Variants in NTRK3 observed in about 807,000 individuals in gnomAD.
The protein encoded by NTRK3 is neurotrophic receptor tyrosine kinase 3, also known as NT-3 growth factor receptor.
A neutral mutation model predicts 91.7 loss-of-function variants in NTRK3; 24 were observed. The ratio of observed to expected loss-of-function variants is 0.26; its 90% confidence interval spans 0.19 to 0.37. NTRK3 has a LOEUF of 0.37. NTRK3 is among the 10% of genes least tolerant of loss of function. NTRK3 has a pLI of 1.00. For missense variants in NTRK3, 880 were observed against 1,068.9 expected, an observed-to-expected ratio of 0.82 and a Z score of 2.46; for synonymous variants, 483 against 404.0, an observed-to-expected ratio of 1.20 and a Z score of -2.34.
At chr15:87,947,364 C>G (rs62019199) in intron 14 of NTRK3, among the ~76,000 whole-genome samples, 24,995 of 152,056 alleles carry the variant, frequency 0.16, 2,242 homozygotes, top group South Asian at 0.28. Context: ...CCCCCTTCAA[C>G]CCCTGCAACC....
At chr15:88,018,410 C>A (rs764528199) in intron 14 of NTRK3, among the ~76,000 whole-genome samples, 4 of 152,064 alleles carry the variant, frequency 2.6e-5, no homozygotes, top group Non-Finnish European at 5.9e-5. Context: ...GAGGGGGTAT[C>A]CCAGGTTAGT....
chr15:88,109,016 C>G (rs528209301), intron 13 of NTRK3, among the ~76,000 whole-genome samples: 3 of 152,234 alleles, frequency 2.0e-5, no homozygotes, highest in African/African-American at 7.2e-5. Flanking sequence ...TCCAACCCAA[C>G]AGAGTGCCTG....
chr15:88,092,090 G>A (rs886546142), intron 13 of NTRK3, among the ~76,000 whole-genome samples: 1 of 152,198 alleles, frequency 6.6e-6, no homozygotes, highest in South Asian at 2.1e-4. Context: ...TTACATAGGT[G>A]CAGCAGCACC....
exon 1 of NTRK3, chr15:88,256,714 G>T: frequency 2.7e-6 from 1 of 369,772 alleles, no homozygotes; most frequent in Non-Finnish European, 4.8e-6. Flanking sequence ...ATGGCTCGCC[G>T]CGCGGCTGCA....
chr15:87,926,732 A>G (rs1382727850), intron 17 of NTRK3: 1 of 152,240 alleles, frequency 6.6e-6, no homozygotes, highest in Non-Finnish European at 1.5e-5. Context: ...CAGCACATCT[A>G]GAAGCAAGTT....
intron 13 of NTRK3, among the ~76,000 whole-genome samples, chr15:88,122,640 TTCTG>T (rs1324313239): frequency 3.3e-5 from 5 of 152,174 alleles, no homozygotes; most frequent in Non-Finnish European, 7.3e-5. Flanking sequence ...CTTTGTCTTT[TTCTG>T]TATTTTTTTT....
At chr15:88,078,593 T>G (rs540084834) in intron 13 of NTRK3, among the ~76,000 whole-genome samples, 1 of 152,322 alleles carries the variant, frequency 6.6e-6, no homozygotes, top group African/African-American at 2.4e-5. Context: ...GAGGTTGCAG[T>G]GAGCCAAGAT....
intron 3 of NTRK3, among the ~76,000 whole-genome samples, chr15:88,218,178 T>C (rs1423133340): frequency 2.0e-5 from 3 of 152,164 alleles, no homozygotes; most frequent in Admixed American, 6.5e-5. Flanking sequence ...AAGTCACAGA[T>C]TCTCTCGTCT....
At chr15:88,211,458 G>A (rs1030611198) in intron 3 of NTRK3, among the ~76,000 whole-genome samples, 11 of 152,150 alleles carry the variant, frequency 7.2e-5, no homozygotes, top group Admixed American at 1.3e-4. Flanking sequence ...TTTAAATAGT[G>A]CCACTACAGC....
At chr15:88,245,697 TACACAC>T (rs34043028) in intron 3 of NTRK3, among the ~76,000 whole-genome samples, 1 of 151,114 alleles carries the variant, frequency 6.6e-6, no homozygotes, top group African/African-American at 2.4e-5. Flanking sequence ...AAAATAGTTT[TACACAC>T]ACACACACAC....
intron 5 of NTRK3, among the ~76,000 whole-genome samples, chr15:88,158,775 C>A (rs545717166): frequency 6.6e-6 from 1 of 152,108 alleles, no homozygotes; most frequent in African/African-American, 2.4e-5. Flanking sequence ...GATCCACCAC[C>A]CGGGGAGGTG....
At chr15:88,088,616 C>T (rs1216508029) in intron 13 of NTRK3, among the ~76,000 whole-genome samples, 1 of 152,032 alleles carries the variant, frequency 6.6e-6, no homozygotes, top group Non-Finnish European at 1.5e-5. Context: ...TCATATAATA[C>T]ATAGTCATAG....
intron 13 of NTRK3, among the ~76,000 whole-genome samples, chr15:88,062,194 G>C (rs910338976): frequency 2.0e-5 from 3 of 152,134 alleles, no homozygotes; most frequent in African/African-American, 7.2e-5. Context: ...TCCGCAGAAC[G>C]GGGAGGTGGG....
At chr15:88,177,442 C>G (rs2046102627) in intron 5 of NTRK3, among the ~76,000 whole-genome samples, 1 of 152,110 alleles carries the variant, frequency 6.6e-6, no homozygotes, top group Admixed American at 6.5e-5. Flanking sequence ...GGTAAACAAG[C>G]AGATGGATAC....
At chr15:87,908,839 C>A (rs1459539324) in intron 17 of NTRK3, among the ~76,000 whole-genome samples, 1 of 152,042 alleles carries the variant, frequency 6.6e-6, no homozygotes, top group Non-Finnish European at 1.5e-5. Flanking sequence ...CATCATGACA[C>A]CACTCCCAGC....
chr15:88,228,590 G>A (rs530608300), intron 3 of NTRK3, among the ~76,000 whole-genome samples: 2 of 152,040 alleles, frequency 1.3e-5, no homozygotes, highest in Non-Finnish European at 2.9e-5. Context: ...GATTCCCCTG[G>A]GCAGAAACAG....
intron 3 of NTRK3, among the ~76,000 whole-genome samples, chr15:88,254,834 TC>T (rs1437711492): frequency 6.6e-6 from 1 of 152,124 alleles, no homozygotes; most frequent in Non-Finnish European, 1.5e-5. Flanking sequence ...GTGAGAATTA[TC>T]CTCTGAGCAA....
At chr15:88,192,165 T>C (rs1308253431) in intron 3 of NTRK3, among the ~76,000 whole-genome samples, 2 of 152,222 alleles carry the variant, frequency 1.3e-5, no homozygotes, top group African/African-American at 4.8e-5. Context: ...AGAACGTTTG[T>C]GCACACACCT....
At chr15:87,939,841 T>C (rs968256885) in intron 15 of NTRK3, among the ~76,000 whole-genome samples, 4 of 152,216 alleles carry the variant, frequency 2.6e-5, no homozygotes, top group African/African-American at 4.8e-5. Context: ...TTCAAAAATT[T>C]GTCCAATATT....
Sources: gnomAD v4.1 joint callset for allele counts (sites outside exome capture counted in the v4.1 genomes callset) on GRCh38, gnomAD v4.1.1 for gene constraint, MANE v1.5 for transcripts, NCBI Gene and HGNC (gene_info 2026-07-23, HGNC 2026-07-21) for gene names.